Variants in OXR1 observed in about 807,000 individuals in gnomAD.
OXR1 encodes the protein oxidation resistance protein 1.
Under a neutral mutation model 104.6 loss-of-function variants are expected in OXR1, and 41 were observed. The observed-to-expected ratio is 0.39, with a 90% CI of 0.31 to 0.51. The LOEUF (loss-of-function observed/expected upper bound fraction) is 0.51. Among genes scored for constraint, OXR1 ranks in the 20% least tolerant of loss-of-function variants. The pLI is 0.77. For missense variants in OXR1, 955 were observed against 1,031.9 expected (o/e 0.93, Z 1.02); for synonymous variants, 348 against 348.4 (o/e 1.00, Z 0.01).
intron 2 of OXR1, among the ~76,000 whole-genome samples, chr8:106,434,410 CTA>C (rs1480181090): frequency 6.6e-6 from 1 of 152,060 alleles, no homozygotes; most frequent in Non-Finnish European, 1.5e-5. Flanking sequence ...AGAAATGAAA[CTA>C]TTGAAAAACT....
chr8:106,634,351 C>T (rs921029852), intron 3 of OXR1, among the ~76,000 whole-genome samples: 11 of 152,028 alleles, frequency 7.2e-5, no homozygotes, highest in African/African-American at 2.7e-4. Context: ...AAGAAAGGTC[C>T]CAGCAACTAA....
At chr8:106,509,245 A>G (rs1170019654) in intron 2 of OXR1, among the ~76,000 whole-genome samples, 2 of 152,228 alleles carry the variant, frequency 1.3e-5, no homozygotes, top group Non-Finnish European at 2.9e-5. Flanking sequence ...CTTTGGATTT[A>G]CATAATGTGT....
chr8:106,438,303 G>T (rs933130165), intron 2 of OXR1, among the ~76,000 whole-genome samples: 1 of 152,058 alleles, frequency 6.6e-6, no homozygotes, highest in African/African-American at 2.4e-5. Flanking sequence ...ATCTACCTAT[G>T]TTAAAATGCA....
intron 1 of OXR1, among the ~76,000 whole-genome samples, chr8:106,313,297 A>G (rs1377906260): frequency 6.6e-6 from 1 of 152,190 alleles, no homozygotes; most frequent in Non-Finnish European, 1.5e-5. Flanking sequence ...GGATTTTAAA[A>G]ATTCTCTAAA....
chr8:106,662,614 A>G (rs1400852891), intron 3 of OXR1, among the ~76,000 whole-genome samples: 1 of 152,230 alleles, frequency 6.6e-6, no homozygotes, highest in Non-Finnish European at 1.5e-5. Context: ...GAGGTAATTA[A>G]TAGTAGCATT....
chr8:106,547,937 G>A (rs996162134), intron 3 of OXR1, among the ~76,000 whole-genome samples: 3 of 152,138 alleles, frequency 2.0e-5, no homozygotes, highest in East Asian at 3.9e-4. Flanking sequence ...AAACATGGAC[G>A]TACAAATACC....
chr8:106,563,700 C>T (rs1223563300), intron 3 of OXR1, among the ~76,000 whole-genome samples: 3 of 152,142 alleles, frequency 2.0e-5, no homozygotes, highest in Non-Finnish European at 2.9e-5. Flanking sequence ...TTCTCAGCAC[C>T]ACATAGCACT....
At chr8:106,372,482 ATG>A (rs1816751616) in intron 2 of OXR1, among the ~76,000 whole-genome samples, 1 of 151,826 alleles carries the variant, frequency 6.6e-6, no homozygotes, top group Admixed American at 6.6e-5. Context: ...CCTATGATAC[ATG>A]TTAAGCATCC....
At chr8:106,484,569 G>A (rs904279683) in intron 2 of OXR1, among the ~76,000 whole-genome samples, 17 of 151,808 alleles carry the variant, frequency 1.1e-4, no homozygotes, top group African/African-American at 2.4e-4. Flanking sequence ...ATGAAAAGAC[G>A]CTTCATATCA....
chr8:106,617,853 G>A (rs951899148), intron 3 of OXR1: 1 of 176,200 alleles, frequency 5.7e-6, no homozygotes. Context: ...CTCCATGATA[G>A]ACTTTACAGT....
At chr8:106,509,721 T>G (rs1310046698) in intron 2 of OXR1, among the ~76,000 whole-genome samples, 1 of 152,232 alleles carries the variant, frequency 6.6e-6, no homozygotes, top group Non-Finnish European at 1.5e-5. Context: ...GGATTTATCT[T>G]AGTATTAATG....
At chr8:106,604,511 G>T (rs1820220131) in intron 3 of OXR1, among the ~76,000 whole-genome samples, 1 of 152,130 alleles carries the variant, frequency 6.6e-6, no homozygotes, top group South Asian at 2.1e-4. Context: ...AAATTCTATA[G>T]GTATTAAAGC....
At chr8:106,305,937 G>A (rs1029819510) in intron 1 of OXR1, among the ~76,000 whole-genome samples, 6 of 152,092 alleles carry the variant, frequency 3.9e-5, no homozygotes, top group Non-Finnish European at 1.5e-5. Flanking sequence ...CTCAGGAGAG[G>A]ATATAAGAGA....
intron 1 of OXR1, among the ~76,000 whole-genome samples, chr8:106,340,517 T>G (rs542633830): frequency 3.3e-5 from 5 of 152,328 alleles, no homozygotes; most frequent in Non-Finnish European, 7.4e-5. Flanking sequence ...AAAATAGATG[T>G]AACCCTGTAA....
intron 3 of OXR1, among the ~76,000 whole-genome samples, chr8:106,574,205 A>C (rs1445879777): frequency 2.6e-5 from 4 of 151,354 alleles, no homozygotes; most frequent in Non-Finnish European, 5.9e-5. Flanking sequence ...CCTATAAAAA[A>C]GCCCCAAAAT....
chr8:106,699,470 T>G (rs979613488), intron 7 of OXR1, among the ~76,000 whole-genome samples: 2 of 152,172 alleles, frequency 1.3e-5, no homozygotes, highest in Non-Finnish European at 2.9e-5. Context: ...GCTGATCTTA[T>G]GTGTTTCTCC....
chr8:106,610,596 G>A (rs1586893518), intron 3 of OXR1, among the ~76,000 whole-genome samples: 1 of 151,896 alleles, frequency 6.6e-6, no homozygotes, highest in African/African-American at 2.4e-5. Flanking sequence ...AGTCTCATTC[G>A]ACTCCTTTCA....
chr8:106,500,480 A>G (rs1050114916), intron 2 of OXR1, among the ~76,000 whole-genome samples: 1 of 152,220 alleles, frequency 6.6e-6, no homozygotes. Context: ...GCTTGCTCAA[A>G]TCAATCACGA....
intron 7 of OXR1, among the ~76,000 whole-genome samples, chr8:106,695,435 C>T (rs1390129548): frequency 1.4e-4 from 20 of 148,050 alleles, no homozygotes; most frequent in African/African-American, 4.7e-4. Flanking sequence ...TTTTTTTCTC[C>T]GAGACAGAGT....
Sources: allele counts gnomAD v4.1 joint callset (sites outside exome capture counted in the v4.1 genomes callset), GRCh38; gene constraint gnomAD v4.1.1; transcripts MANE v1.5; gene names NCBI Gene and HGNC (gene_info 2026-07-23, HGNC 2026-07-21).